Variants in KANSL1 observed in about 807,000 individuals in gnomAD.
The protein encoded by KANSL1 is MLL1/MLL complex subunit KANSL1.
Under a neutral mutation model 103.6 loss-of-function variants are expected in KANSL1, and 22 were observed. The ratio of observed to expected loss-of-function variants is 0.21; its 90% CI spans 0.15 to 0.30. The LOEUF (loss-of-function observed/expected upper bound fraction) is 0.30. Among genes scored for constraint, KANSL1 ranks in the 10% least tolerant of loss-of-function variants. The pLI, the probability that KANSL1 is intolerant of heterozygous loss-of-function variation, is 1.00. For missense variants in KANSL1, 1,337 were observed against 1,399.8 expected (o/e 0.96, Z 0.72); for synonymous variants, 600 against 527.6 (o/e 1.14, Z -1.88).
chr17:46,058,751 T>A (rs925281939), intron 6 of KANSL1, among the ~76,000 whole-genome samples: 853 of 30,240 alleles, frequency 0.028, 4 homozygotes, highest in African/African-American at 0.051. Context: ...ACACTCTCTC[T>A]CTCTCTCTCT....
intron 2 of KANSL1, among the ~76,000 whole-genome samples, chr17:46,146,897 C>CT (rs1476973997): frequency 2.8e-5 from 4 of 144,480 alleles, no homozygotes; most frequent in South Asian, 2.2e-4. Context: ...TTAGATGTTT[C>CT]TTTTTTTGGA....
chr17:46,123,865 G>A (rs1567701015), intron 2 of KANSL1, among the ~76,000 whole-genome samples: 1 of 152,230 alleles, frequency 6.6e-6, no homozygotes, highest in Admixed American at 6.5e-5. Flanking sequence ...CATCGATGAA[G>A]ATGGCTCCAT....
intron 2 of KANSL1, among the ~76,000 whole-genome samples, chr17:46,102,013 T>C (rs965336280): frequency 2.0e-5 from 3 of 152,142 alleles, no homozygotes; most frequent in East Asian, 3.9e-4. Flanking sequence ...AGAATAGACA[T>C]TGCATTATCA....
At chr17:46,079,885 G>A (rs1202909710) in intron 4 of KANSL1, among the ~76,000 whole-genome samples, 3 of 152,146 alleles carry the variant, frequency 2.0e-5, no homozygotes, top group African/African-American at 7.2e-5. Flanking sequence ...GCTGAGGTGG[G>A]AGGATCACTT....
At chr17:46,073,728 A>C (rs1568417581) in intron 4 of KANSL1, among the ~76,000 whole-genome samples, 1 of 152,174 alleles carries the variant, frequency 6.6e-6, no homozygotes, top group Non-Finnish European at 1.5e-5. Context: ...AACCATACTG[A>C]AAGATTTGGT....
At chr17:46,097,581 T>C (rs2042140429) in intron 2 of KANSL1, among the ~76,000 whole-genome samples, 1 of 152,230 alleles carries the variant, frequency 6.6e-6, no homozygotes, top group Admixed American at 6.5e-5. Flanking sequence ...AAAACAAAGA[T>C]GGAAATGTGA....
At chr17:46,147,572 TAAAA>T (rs10717937) in intron 2 of KANSL1, among the ~76,000 whole-genome samples, 121 of 103,076 alleles carry the variant, frequency 1.2e-3, no homozygotes, top group African/African-American at 4.0e-3. Context: ...TGAGACTCTT[TAAAA>T]AAAAAAAAAA....
At position 46,170,885 on chromosome 17, in the gene KANSL1, C is replaced by G. The variant is rs1288370497; in HGVS notation, c.1259G>C (p.Arg420Thr). 6.2e-7 allele frequency: 1 copy of G among 1,612,746 alleles called. No individual in the cohort carries two copies. The highest frequency in any genetic ancestry group is 8.5e-7 in the Non-Finnish European group (1 of 1,179,376). ...TACATGACGCTGCTCGGGATCAGCT[C>G]TGGTCAGTTCTTCCTCTTCAATATC... ...ESDIEEEELT[R>T]ADPEQRHVPL... The change falls in exon 2 of 15, where the codon AGA (arginine) becomes ACA (threonine). Residue 420 changes from arginine to threonine, a missense_variant. Physicochemically the swap from Arg to Thr is moderately conservative, Grantham distance 71 (BLOSUM62 -1). This residue lies in a region of KANSL1 where 780 missense variants were observed against 923.4 expected (regional missense o/e 0.84). Coordinates refer to ENST00000432791, the MANE Select transcript of KANSL1 (RefSeq NM_015443.4).
intron 2 of KANSL1, among the ~76,000 whole-genome samples, chr17:46,154,485 T>C (rs2045308058): frequency 6.6e-6 from 1 of 152,210 alleles, no homozygotes; most frequent in African/African-American, 2.4e-5. Flanking sequence ...GTCACCACGT[T>C]GCCCAGGCTG....
rs1171923980 is a variant in KANSL1 at position 46,217,810 on chromosome 17, A to G, written c.-90+5861T>C. Among the ~76,000 whole-genome samples the G allele has an allele frequency of 5.3e-5, 8 of 152,338 alleles. No homozygotes were observed. The South Asian group carries it at 1.7e-3, about 32-fold the overall frequency. On this transcript the variant is annotated intron_variant, in intron 1 of 14. Transcript: ENST00000572904. The stretch of plus-strand genomic sequence containing the variant: ...GAGGCCAAGGCAGGCAGATCACCTG[A>G]GGTCAGGAGTTCAAGACCGGCCTGG...
At chr17:46,167,055 G>GA (rs78711997) in intron 2 of KANSL1, among the ~76,000 whole-genome samples, 18,214 of 137,894 alleles carry the variant, frequency 0.13, 24 homozygotes, top group Middle Eastern at 0.2. Context: ...AAAAAGAAAG[G>GA]AAAAAAAAAA....
intron 2 of KANSL1, among the ~76,000 whole-genome samples, chr17:46,105,948 C>CACACACACACACA (rs373189477): frequency 1.8e-4 from 7 of 38,962 alleles, no homozygotes; most frequent in Admixed American, 5.2e-4. Context: ...CACACACACA[C>CACACACACACACA]CCCCCCAGAA....
In KANSL1 at chr17:46,039,791, A is replaced by C; in HGVS notation, c.2114T>G (p.Leu705Arg). The change falls in exon 8 of 15, where the codon CTT (leucine) becomes CGT (arginine). Residue 705 changes from leucine to arginine, a missense_variant. This residue lies in a region of KANSL1 where 780 missense variants were observed against 923.4 expected (regional missense o/e 0.84). Coordinates refer to ENST00000432791, the MANE Select transcript of KANSL1 (RefSeq NM_015443.4). ...GCCCGGCATGGGTGCTCTGTGCTTA[A>C]GCGATAACTTTTTGGGAGGTTTGAT... is the stretch of plus-strand genomic sequence containing the variant. ...DKIKPPKKLS[L>R]KHRAPMPGSL... is the part of the protein sequence containing the mutation. The C allele has an allele frequency of 6.2e-7, 1 of 1,614,184 alleles. No homozygotes were observed. The highest frequency in any genetic ancestry group is 8.5e-7 in the Non-Finnish European group (1 of 1,180,026).
intron 3 of KANSL1, among the ~76,000 whole-genome samples, chr17:46,086,357 T>C (rs141963018): frequency 2.0e-5 from 3 of 152,208 alleles, no homozygotes; most frequent in Non-Finnish European, 4.4e-5. Context: ...GGTCAAAGCT[T>C]ATGTCTCTAC....
At chr17:46,090,836 A>G (rs2079355063) in intron 3 of KANSL1, among the ~76,000 whole-genome samples, 1 of 152,268 alleles carries the variant, frequency 6.6e-6, no homozygotes, top group African/African-American at 2.4e-5. Context: ...AAAGAAACCT[A>G]CAGTGCTGCT....
At chr17:46,153,601 A>G (rs1377693297) in intron 2 of KANSL1, among the ~76,000 whole-genome samples, 1 of 152,244 alleles carries the variant, frequency 6.6e-6, no homozygotes, top group Non-Finnish European at 1.5e-5. Context: ...TGAAGACTAC[A>G]TGGAAGGGCT....
chr17:46,218,865 A>C (rs1450233141), intron 1 of KANSL1, among the ~76,000 whole-genome samples: 2 of 152,228 alleles, frequency 1.3e-5, no homozygotes, highest in African/African-American at 2.4e-5. Flanking sequence ...TTACAGATAT[A>C]ATACAAAAGT....
In KANSL1 at chr17:46,130,187, C is replaced by CAAAAAAAAAAAAAAA. The variant is rs35017603; in HGVS notation, c.1290-35501_1290-35487dup. ...GGGCAAAAGAATGAGATCCTGTCTC[C>CAAAAAAAAAAAAAAA]AAAAAAAAAAAAAAAAAAAAAGGAA... On this transcript the variant is annotated intron_variant, in intron 2 of 14. Coordinates refer to ENST00000432791, the MANE Select transcript of KANSL1 (RefSeq NM_015443.4). Among the ~76,000 whole-genome samples, 129 of 75,434 alleles carry CAAAAAAAAAAAAAAA rather than the reference C, an allele frequency of 1.7e-3. 4 individuals carry two copies. The highest frequency in any genetic ancestry group is 2.9e-3 in the Non-Finnish European group (108 of 36,952). The allele number at this position is 75,434 out of a possible 152,430, so 49.5% of individuals were successfully genotyped here.
chr17:46,038,573 C>A lies in KANSL1; in HGVS notation c.2506G>T (p.Ala836Ser). The part of the protein sequence containing the change: ...LSTSSDSPAP[A>S]SSSSQVTAST... ...GCTGTAACCTGTGAGCTAGAGCTGG[C>A]GGGTGCAGGGGAATCTGAGGAGGTG... is the stretch of plus-strand genomic sequence containing the variant. Residue 836 changes from alanine to serine, a missense_variant, in exon 10 of 15, where the codon GCC becomes TCC. By Grantham distance (99) the Ala-to-Ser change is moderately conservative. Transcript: ENST00000432791. 6.2e-7 allele frequency: 1 copy of A among 1,613,980 alleles called. No homozygotes were observed. Among genetic ancestry groups the A allele is most frequent in the Non-Finnish European group, 8.5e-7 (1 of 1,179,976 alleles).
Sources: allele counts gnomAD v4.1 joint callset (sites outside exome capture counted in the v4.1 genomes callset), GRCh38; gene constraint gnomAD v4.1.1; regional missense constraint gnomAD v4.1.1; transcripts MANE v1.5; gene names NCBI Gene and HGNC (gene_info 2026-07-23, HGNC 2026-07-21).